LYPLA2: variants seen among roughly 807,000 people sequenced by gnomAD.
LYPLA2 encodes the protein acyl-protein thioesterase 2.
LYPLA2 carries 7 observed loss-of-function variants against 30.3 expected under a neutral mutation model. The observed-to-expected ratio is 0.23, with a 90% CI of 0.13 to 0.43. LYPLA2 has a LOEUF of 0.43. Ranked by LOEUF, LYPLA2 falls within the 20% of genes least tolerant of loss-of-function variation. LYPLA2 has a pLI of 1.00. For missense variants in LYPLA2, 206 were observed against 307.9 expected, an observed-to-expected ratio of 0.67 and a Z score of 2.48; for synonymous variants, 112 against 118.2, an observed-to-expected ratio of 0.95 and a Z score of 0.34.
At position 23,793,637 on chromosome 1, in the gene LYPLA2, C is replaced by T; in HGVS notation, c.177-68C>T. The T allele has an allele frequency of 6.5e-7, 1 of 1,547,972 alleles. No homozygotes were observed. Among genetic ancestry groups the T allele is most frequent in the Non-Finnish European group, 8.9e-7 (1 of 1,120,078 alleles). On this transcript the variant is annotated intron_variant, in intron 4 of 9. Coordinates refer to ENST00000374514, the MANE Select transcript of LYPLA2 (RefSeq NM_007260.3). This position sits in a 1 kb window ranked among gnomAD's most constrained non-coding sequence, Gnocchi z 6.0. ...CCACCAGGGGCGGCGCGGCCCCACT[C>T]CGGGCTCTGAGCTCTGGCCTCCTCA...
In LYPLA2 at chr1:23,793,854, C is replaced by T. The variant is rs1295303697; in HGVS notation, c.225-6C>T. 1.2e-6 allele frequency: 2 copies of T among 1,613,794 alleles called. No individual in the cohort carries two copies. Among genetic ancestry groups the T allele is most frequent in the Non-Finnish European group, 1.7e-6 (2 of 1,179,860 alleles). Reference sequence around the variant, plus strand: ...TTCTATAGCTGCCAGTGCCTCTACTCCCAAGGTTTGACCTGATGGGGCTGA... The same window carrying T: ...TTCTATAGCTGCCAGTGCCTCTACTTCCAAGGTTTGACCTGATGGGGCTGA... On this transcript the variant is annotated splice_polypyrimidine_tract_variant and splice_region_variant and intron_variant, in intron 5 of 9. Coordinates refer to ENST00000374514, the MANE Select transcript of LYPLA2 (RefSeq NM_007260.3). The surrounding 1 kb of genome is among the most constrained non-coding windows in gnomAD (Gnocchi z 6.0).
intron 1 of LYPLA2, chr1:23,792,454 C>A: frequency 1.8e-6 from 1 of 562,668 alleles, no homozygotes; most frequent in Non-Finnish European, 3.2e-6. Flanking sequence ...ATGTTCTGGG[C>A]CACTAGGGAG....
In LYPLA2 at chr1:23,794,034, C is replaced by T. The variant is rs759055981; in HGVS notation, c.296-29C>T. ...CCTTATTGGGCCCCTTGGCAGCTTC[C>T]CTCTACCCACTCATGCCCCCTCCCC... On this transcript the variant is annotated intron_variant, in intron 6 of 9. Transcript: ENST00000374514. The surrounding 1 kb of genome is among the most constrained non-coding windows in gnomAD (Gnocchi z 5.9). 6.2e-7 allele frequency: 1 copy of T among 1,608,712 alleles called. No homozygotes were observed. Among genetic ancestry groups the T allele is most frequent in the Admixed American group, 1.7e-5 (1 of 60,000 alleles).
chr1:23,794,174 G>T lies in LYPLA2; in HGVS notation c.369+38G>T, dbSNP rs1301086624. On this transcript the variant is annotated intron_variant, in intron 7 of 9. Coordinates refer to ENST00000374514, the MANE Select transcript of LYPLA2 (RefSeq NM_007260.3). The surrounding 1 kb of genome is among the most constrained non-coding windows in gnomAD (Gnocchi z 5.9). ...GGGTGGGGGGGTAGGGGGTAGGGGT[G>T]GCCGGTGAGTGAGCTGTGCCCTCAT... The T allele has an allele frequency of 6.4e-7, 1 of 1,555,474 alleles. No homozygotes were observed. The highest frequency in any genetic ancestry group is 1.4e-5 in the African/African-American group (1 of 73,796).
Position 23,793,911 on chromosome 1 carries a change from CAAG to C in LYPLA2, c.280_282del (p.Lys94del). 1 of 1,613,982 alleles carries C rather than the reference CAAG, an allele frequency of 6.2e-7. No individual in the cohort carries two copies. On this transcript the variant is annotated inframe_deletion, in exon 6 of 10. Coordinates refer to ENST00000374514, the MANE Select transcript of LYPLA2 (RefSeq NM_007260.3). This position sits in a 1 kb window ranked among gnomAD's most constrained non-coding sequence, Gnocchi z 6.0. ...ATGCCCCAGAGGACGAGGCTGGCAT[CAAG>C]AAGGCAGCAGAGAACAGTAAGACCC... is the stretch of plus-strand genomic sequence containing the variant.
chr1:23,794,979 GGCA>G lies in LYPLA2; in HGVS notation c.*252_*254del, dbSNP rs1638901163. Reference sequence around the variant, plus strand: ...CATTTCCCTGGAGGCGGGCCCCCCTGGCAGCAGTATTGGAGGGGCTACAGGCAG... The same window carrying G: ...CATTTCCCTGGAGGCGGGCCCCCCTGGCAGTATTGGAGGGGCTACAGGCAG... On this transcript the variant is annotated 3_prime_UTR_variant, in exon 10 of 10. Coordinates refer to ENST00000374514, the MANE Select transcript of LYPLA2 (RefSeq NM_007260.3). This position sits in a 1 kb window ranked among gnomAD's most constrained non-coding sequence, Gnocchi z 5.9. 5.8e-6 allele frequency: 4 copies of G among 683,880 alleles called. No homozygotes were observed. Among genetic ancestry groups the G allele is most frequent in the Non-Finnish European group, 1.1e-5 (4 of 374,390 alleles). The allele number at this position is 683,880 out of a possible 1,614,324, so 42.4% of individuals were successfully genotyped here. A position where few individuals can be genotyped will look rare whatever the true frequency, so the allele number is the denominator to read the frequency against.
In LYPLA2 at chr1:23,793,041, T is replaced by C; in HGVS notation, c.110+2T>C. The stretch of plus-strand genomic sequence containing the variant: ...TTTACATGGACTTGGAGACACAGGG[T>C]AAGTGACTGAGGAGGGGTGCTCCTT... On this transcript the variant is annotated splice_donor_variant, in intron 3 of 9. Coordinates refer to ENST00000374514, the MANE Select transcript of LYPLA2 (RefSeq NM_007260.3). LOFTEE classifies it high-confidence loss of function. This position sits in a 1 kb window ranked among gnomAD's most constrained non-coding sequence, Gnocchi z 6.0. The C allele has an allele frequency of 6.2e-7, 1 of 1,613,362 alleles. No homozygotes were observed. The highest frequency in any genetic ancestry group is 2.2e-5 in the East Asian group (1 of 44,858).
In LYPLA2 at chr1:23,794,343, C is replaced by G. The variant is rs761459612; in HGVS notation, c.471+18C>G. ...TCCCCCAGGTGAATGTCCCCACTGA[C>G]CCCCCCGCCCTTTGTGTCTGCATCC... On this transcript the variant is annotated intron_variant, in intron 8 of 9. Coordinates refer to ENST00000374514, the MANE Select transcript of LYPLA2 (RefSeq NM_007260.3). The surrounding 1 kb of genome is among the most constrained non-coding windows in gnomAD (Gnocchi z 5.9). 13 of 1,570,552 alleles carry G rather than the reference C, an allele frequency of 8.3e-6. No individual in the cohort carries two copies. Among genetic ancestry groups the G allele is most frequent in the Non-Finnish European group, 1.1e-5 (12 of 1,142,572 alleles).
chr1:23,793,889 C>A lies in LYPLA2; in HGVS notation c.254C>A (p.Ala85Asp). 1 of 1,613,946 alleles carries A rather than the reference C, an allele frequency of 6.2e-7. No individual in the cohort carries two copies. The highest frequency in any genetic ancestry group is 1.1e-5 in the South Asian group (1 of 91,078). The change falls in exon 6 of 10, where the codon GCC (alanine) becomes GAC (aspartate). Residue 85 changes from alanine to aspartate, a missense_variant. Transcript: ENST00000374514. The surrounding 1 kb of genome is among the most constrained non-coding windows in gnomAD (Gnocchi z 6.0). Reference sequence around the variant, plus strand: ...GACCTGATGGGGCTGAGTCCAGATGCCCCAGAGGACGAGGCTGGCATCAAG... The same window carrying A: ...GACCTGATGGGGCTGAGTCCAGATGACCCAGAGGACGAGGCTGGCATCAAG... ...WFDLMGLSPD[A>D]PEDEAGIKKA... is the part of the protein sequence containing the mutation.
Position 23,793,559 on chromosome 1 carries a change from GTGGCAGGTTGCCTGGCAACACCT to G in LYPLA2, c.177-144_177-122del. ...CCCCAACCACAGCCTCCAGCCCCAC[GTGGCAGGTTGCCTGGCAACACCT>G]TAAACACAGGCCCTGCCTGCTGGGA... On this transcript the variant is annotated intron_variant, in intron 4 of 9. Transcript: ENST00000374514. The surrounding 1 kb of genome is among the most constrained non-coding windows in gnomAD (Gnocchi z 6.0). 7 of 806,528 alleles carry G rather than the reference GTGGCAGGTTGCCTGGCAACACCT, an allele frequency of 8.7e-6. No individual in the cohort carries two copies. Among genetic ancestry groups the G allele is most frequent in the Non-Finnish European group, 1.5e-5 (7 of 470,396 alleles). The allele number at this position is 806,528 out of a possible 1,614,324, so 50.0% of individuals were successfully genotyped here.
Position 23,793,628 on chromosome 1 carries a change from G to T in LYPLA2, c.177-77G>T. ...TGGGAGGGGCCACCAGGGGCGGCGC[G>T]GCCCCACTCCGGGCTCTGAGCTCTG... On this transcript the variant is annotated intron_variant, in intron 4 of 9. Transcript: ENST00000374514. The surrounding 1 kb of genome is among the most constrained non-coding windows in gnomAD (Gnocchi z 6.0). 6.8e-7 allele frequency: 1 copy of T among 1,472,984 alleles called. No individual in the cohort carries two copies. Among genetic ancestry groups the T allele is most frequent in the Non-Finnish European group, 9.5e-7 (1 of 1,051,968 alleles). The allele number at this position is 1,472,984 out of a possible 1,614,324, so 91.2% of individuals were successfully genotyped here.
intron 1 of LYPLA2, chr1:23,792,416 C>A: frequency 2.0e-6 from 1 of 506,264 alleles, no homozygotes; most frequent in Non-Finnish European, 3.5e-6. Context: ...AAGCTCAGGT[C>A]CTGTGGTTGG....
chr1:23,792,234 C>T (rs1489137333), intron 1 of LYPLA2, among the ~76,000 whole-genome samples: 1 of 151,906 alleles, frequency 6.6e-6, no homozygotes, highest in East Asian at 1.9e-4. Context: ...ACTTTTCTCT[C>T]CATTTCCCAT....
intron 1 of LYPLA2, 39 bp from the exon 2 acceptor site, chr1:23,792,618 G>A: frequency 1.5e-6 from 2 of 1,316,754 alleles, no homozygotes; most frequent in South Asian, 1.2e-5. Flanking sequence ...TGTGTCCTGT[G>A]CCTGGTTTTG....
Position 23,793,970 on chromosome 1 carries a change from C to A in LYPLA2, c.295+40C>A. 6.3e-7 allele frequency: 1 copy of A among 1,594,918 alleles called. No homozygotes were observed. Among genetic ancestry groups the A allele is most frequent in the South Asian group, 1.1e-5 (1 of 90,678 alleles). On this transcript the variant is annotated intron_variant, in intron 6 of 9. Transcript: ENST00000374514. This position sits in a 1 kb window ranked among gnomAD's most constrained non-coding sequence, Gnocchi z 6.0. Reference sequence around the variant, plus strand: ...CCTCCTCCACATCCTCCTTCCCCTGCCCCCCAGGAAAGCGCTGGGCGGTTC... The same window carrying A: ...CCTCCTCCACATCCTCCTTCCCCTGACCCCCAGGAAAGCGCTGGGCGGTTC...
At position 23,792,679 on chromosome 1, in the gene LYPLA2, G is replaced by T; in HGVS notation, c.-4G>T. ...CAGGCCCCCGCCGTGGAGCCGTGTG[G>T]TGTATGTGTGGTAACACCATGTCTG... On this transcript the variant is annotated 5_prime_UTR_variant, in exon 2 of 10. Coordinates refer to ENST00000374514, the MANE Select transcript of LYPLA2 (RefSeq NM_007260.3). 1 of 1,611,588 alleles carries T rather than the reference G, an allele frequency of 6.2e-7. No homozygotes were observed. The highest frequency in any genetic ancestry group is 8.5e-7 in the Non-Finnish European group (1 of 1,179,782).
Position 23,794,835 on chromosome 1 carries a change from T to TCCTGA in LYPLA2, c.*108_*112dup. 1 of 1,325,530 alleles carries TCCTGA rather than the reference T, an allele frequency of 7.5e-7. No individual in the cohort carries two copies. The highest frequency in any genetic ancestry group is 1.1e-6 in the Non-Finnish European group (1 of 938,062). 82.1% of individuals were successfully genotyped at this position (1,325,530 alleles called of 1,614,324 possible). A position where few individuals can be genotyped will look rare whatever the true frequency, so the allele number is the denominator to read the frequency against. ...CCGGTCGAGCCCCTGTCCCCACCCT[T>TCCTGA]CCTGACCTGTCCTTTTCCCACAGGC... On this transcript the variant is annotated 3_prime_UTR_variant, in exon 10 of 10. Transcript: ENST00000374514. The surrounding 1 kb of genome is among the most constrained non-coding windows in gnomAD (Gnocchi z 5.9).
At position 23,795,123 on chromosome 1, in the gene LYPLA2, G is replaced by C. The variant is rs553722404; in HGVS notation, c.*391G>C. 1.8e-5 allele frequency: 7 copies of C among 394,848 alleles called. No homozygotes were observed. Among genetic ancestry groups the C allele is most frequent in the Non-Finnish European group, 2.9e-5 (6 of 206,430 alleles). 24.5% of individuals were successfully genotyped at this position (394,848 alleles called of 1,614,324 possible). A position where few individuals can be genotyped will look rare whatever the true frequency, so the allele number is the denominator to read the frequency against. ...GCCCATGGGGCCCCCCCAGGCCCCT[G>C]CCCCAACTGATTCTGCCCAGATAAT... On this transcript the variant is annotated 3_prime_UTR_variant, in exon 10 of 10. Coordinates refer to ENST00000374514, the MANE Select transcript of LYPLA2 (RefSeq NM_007260.3).
Position 23,792,768 on chromosome 1 carries a change from T to A in LYPLA2, c.78+8T>A, listed in dbSNP as rs1396919034. 1.9e-6 allele frequency: 3 copies of A among 1,610,740 alleles called. No homozygotes were observed. In the South Asian group the frequency reaches 3.3e-5, roughly 18 times the overall value. On this transcript the variant is annotated splice_region_variant and intron_variant, in intron 2 of 9. Transcript: ENST00000374514. ...GAGCGGGAAACGGCCGCGGTAAGGG[T>A]CCCCTTTCACCCACGGCCAGACACT...
Sources: allele counts gnomAD v4.1 joint callset (sites outside exome capture counted in the v4.1 genomes callset), GRCh38; gene constraint gnomAD v4.1.1; non-coding constraint Gnocchi (gnomAD v3.1); transcripts MANE v1.5; gene names NCBI Gene and HGNC (gene_info 2026-07-23, HGNC 2026-07-21).